NRXN1: variants seen among roughly 807,000 people sequenced by gnomAD.
NRXN1 encodes the protein neurexin 1, also known as neurexin-1.
A neutral mutation model predicts 150.9 loss-of-function variants in NRXN1; 39 were observed. The observed-to-expected ratio is 0.26, with a 90% CI of 0.20 to 0.34. The LOEUF (loss-of-function observed/expected upper bound fraction) is 0.34. Among genes scored for constraint, NRXN1 ranks in the 10% least tolerant of loss-of-function variants. NRXN1 has a pLI of 1.00. For synonymous variants in NRXN1, 924 were observed against 757.0 expected (o/e 1.22, Z -3.62); for missense variants, 1,815 against 1,949.9 (o/e 0.93, Z 1.30).
chr2:50,301,864 A>G (rs1447724650), intron 17 of NRXN1, among the ~76,000 whole-genome samples: 1 of 152,316 alleles, frequency 6.6e-6, no homozygotes, highest in East Asian at 1.9e-4. Context: ...TGGAAGAGGT[A>G]TACAAATGAA....
intron 5 of NRXN1, among the ~76,000 whole-genome samples, chr2:50,625,489 C>T (rs1680856473): frequency 6.6e-6 from 1 of 152,024 alleles, no homozygotes; most frequent in Non-Finnish European, 1.5e-5. Context: ...TGGCTGAGCA[C>T]CTCCCAAGTG....
chr2:50,525,907 C>G (rs370451769), intron 12 of NRXN1, among the ~76,000 whole-genome samples: 1 of 152,142 alleles, frequency 6.6e-6, no homozygotes, highest in East Asian at 1.9e-4. Context: ...GGGCTGTGCC[C>G]TAACATGTCC....
At chr2:50,271,443 G>A (rs935971641) in intron 17 of NRXN1, among the ~76,000 whole-genome samples, 9 of 152,156 alleles carry the variant, frequency 5.9e-5, no homozygotes, top group African/African-American at 2.2e-4. Flanking sequence ...AATTGGTGCA[G>A]TGCAACTAAG....
At chr2:50,832,611 AC>A (rs1354679169) in intron 5 of NRXN1, among the ~76,000 whole-genome samples, 1 of 152,158 alleles carries the variant, frequency 6.6e-6, no homozygotes, top group Non-Finnish European at 1.5e-5. Context: ...CCAATGTCGC[AC>A]CACTGCACTC....
chr2:50,488,261 G>A (rs1279257785), intron 15 of NRXN1, among the ~76,000 whole-genome samples: 7 of 152,116 alleles, frequency 4.6e-5, no homozygotes, highest in Non-Finnish European at 1.0e-4. Flanking sequence ...ATGTGACTCT[G>A]TCTCTTATTC....
intron 17 of NRXN1, among the ~76,000 whole-genome samples, chr2:50,395,961 A>T (rs1368797778): frequency 2.0e-5 from 3 of 152,150 alleles, no homozygotes; most frequent in African/African-American, 7.2e-5. Context: ...GTCGTTAGGG[A>T]CTAAGGTTGT....
chr2:50,852,554 A>G (rs909802275), intron 5 of NRXN1, among the ~76,000 whole-genome samples: 1 of 152,144 alleles, frequency 6.6e-6, no homozygotes, highest in Non-Finnish European at 1.5e-5. Context: ...TTAACAACTG[A>G]ATTACTCTGA....
intron 21 of NRXN1, among the ~76,000 whole-genome samples, chr2:49,982,642 G>A (rs1013768728): frequency 6.6e-6 from 1 of 151,844 alleles, no homozygotes; most frequent in Non-Finnish European, 1.5e-5. Flanking sequence ...TTATATAATG[G>A]CACATACATT....
At chr2:50,496,610 T>C (rs1260959267) in intron 14 of NRXN1, among the ~76,000 whole-genome samples, 1 of 152,176 alleles carries the variant, frequency 6.6e-6, no homozygotes, top group East Asian at 1.9e-4. Flanking sequence ...AAGAAACATG[T>C]CACAGTGCTT....
At chr2:50,856,046 A>G (rs1461448636) in intron 5 of NRXN1, among the ~76,000 whole-genome samples, 3 of 148,940 alleles carry the variant, frequency 2.0e-5, no homozygotes, top group Admixed American at 6.7e-5. Context: ...TTTTTCCACC[A>G]TGGAAAGCCT....
At position 50,602,836 on chromosome 2, in the gene NRXN1, G is replaced by A. The variant is rs549913668; in HGVS notation, c.1320+17186C>T. Among the ~76,000 whole-genome samples the A allele has an allele frequency of 2.0e-5, 3 of 152,264 alleles. 1 individual carries two copies. In the South Asian group the frequency reaches 6.2e-4, roughly 32 times the overall value. On this transcript the variant is annotated intron_variant, in intron 8 of 22. Transcript: ENST00000401669. ...TAATTACACACTGCTTGCTTAGCATGTGTGATCATAGGACCAACTACAGGG... is the reference window on the plus strand; with the variant it reads ...TAATTACACACTGCTTGCTTAGCATATGTGATCATAGGACCAACTACAGGG...
chr2:49,986,215 C>G (rs1680882323), intron 21 of NRXN1, among the ~76,000 whole-genome samples: 1 of 152,108 alleles, frequency 6.6e-6, no homozygotes, highest in Non-Finnish European at 1.5e-5. Context: ...CAGCGATTCT[C>G]AATTTTGGTC....
At chr2:50,128,101 G>A (rs1005624465) in intron 18 of NRXN1, among the ~76,000 whole-genome samples, 17 of 152,178 alleles carry the variant, frequency 1.1e-4, no homozygotes, top group African/African-American at 4.1e-4. Flanking sequence ...AGATACGATA[G>A]CTACCAGGTT....
intron 17 of NRXN1, among the ~76,000 whole-genome samples, chr2:50,296,534 T>TATTATTATTATTATC (rs113286816): frequency 6.6e-6 from 1 of 150,870 alleles, no homozygotes; most frequent in African/African-American, 2.4e-5. Flanking sequence ...TTATTATTAT[T>TATTATTATTATTATC]ATCATTATTA....
chr2:50,139,768 C>T (rs2152758296), intron 18 of NRXN1, among the ~76,000 whole-genome samples: 1 of 152,032 alleles, frequency 6.6e-6, no homozygotes, highest in Middle Eastern at 3.4e-3. Context: ...ACTATTCTAT[C>T]TATACTAAGG....
chr2:50,708,453 G>A (rs904683680), intron 5 of NRXN1, among the ~76,000 whole-genome samples: 4 of 152,148 alleles, frequency 2.6e-5, no homozygotes, highest in Admixed American at 2.6e-4. Context: ...TGTTGTTGCT[G>A]CTGGGAACAG....
intron 13 of NRXN1, among the ~76,000 whole-genome samples, chr2:50,502,116 T>G (rs998112317): frequency 2.0e-5 from 3 of 152,096 alleles, no homozygotes; most frequent in Admixed American, 6.6e-5. Flanking sequence ...AAGCCTTTTA[T>G]GTACTACGTA....
intron 5 of NRXN1, among the ~76,000 whole-genome samples, chr2:50,690,609 C>G (rs562625002): frequency 6.6e-6 from 1 of 152,252 alleles, no homozygotes; most frequent in South Asian, 2.1e-4. Context: ...TTGAAGTGAA[C>G]TGCAATGTGT....
intron 17 of NRXN1, among the ~76,000 whole-genome samples, chr2:50,274,798 A>T (rs2070217208): frequency 6.6e-6 from 1 of 152,118 alleles, no homozygotes; most frequent in Non-Finnish European, 1.5e-5. Context: ...AAAAACCCAT[A>T]AAAATGTAGT....
Sources: allele counts gnomAD v4.1 joint callset (sites outside exome capture counted in the v4.1 genomes callset), GRCh38; gene constraint gnomAD v4.1.1; transcripts MANE v1.5; gene names NCBI Gene and HGNC (gene_info 2026-07-23, HGNC 2026-07-21).